The following CSMD3 variants were observed in gnomAD, a reference collection of about 807,000 sequenced individuals.
CSMD3 encodes the protein CUB and sushi domain-containing protein 3.
In CSMD3, 177 loss-of-function variants were observed where a neutral mutation model predicts 435.2. The ratio of observed to expected loss-of-function variants is 0.41; its 90% CI spans 0.36 to 0.46. The LOEUF is 0.46. Among genes scored for constraint, CSMD3 ranks in the 20% least tolerant of loss-of-function variants. The pLI, the probability that CSMD3 is intolerant of heterozygous loss-of-function variation, is 0.34. For missense variants in CSMD3, 4,265 were observed against 4,504.6 expected, an observed-to-expected ratio of 0.95 and a Z score of 1.52; for synonymous variants, 1,656 against 1,520.5, an observed-to-expected ratio of 1.09 and a Z score of -2.07.
intron 27 of CSMD3, among the ~76,000 whole-genome samples, chr8:112,546,246 G>A (rs555030017): frequency 1.3e-5 from 2 of 152,280 alleles, no homozygotes; most frequent in East Asian, 3.9e-4. Flanking sequence ...GTTTAGATTT[G>A]TGTGGCCATT....
intron 1 of CSMD3, among the ~76,000 whole-genome samples, chr8:113,376,051 A>G (rs1473683426): frequency 1.3e-5 from 2 of 152,184 alleles, no homozygotes; most frequent in South Asian, 2.1e-4. Context: ...TATTTTGTCA[A>G]TTGGCAAATT....
intron 6 of CSMD3, among the ~76,000 whole-genome samples, chr8:113,017,211 G>T (rs2086496232): frequency 6.6e-6 from 1 of 151,820 alleles, no homozygotes. Flanking sequence ...ACTTTTCAGT[G>T]CCGAAAACGC....
intron 9 of CSMD3, among the ~76,000 whole-genome samples, chr8:112,922,611 T>TA (rs1397275816): frequency 1.3e-5 from 2 of 151,962 alleles, no homozygotes; most frequent in African/African-American, 2.4e-5. Flanking sequence ...ATCCCTCAGG[T>TA]AAGTGAGAAC....
intron 22 of CSMD3, among the ~76,000 whole-genome samples, chr8:112,607,646 T>G (rs902093921): frequency 2.0e-5 from 3 of 152,134 alleles, no homozygotes; most frequent in Non-Finnish European, 2.9e-5. Context: ...GGATGCAATA[T>G]GTTTCAGTTT....
rs1262589844 is a variant in CSMD3 at position 113,425,422 on chromosome 8, C to T, written c.178+11255G>A. 2.0e-5 allele frequency among the ~76,000 whole-genome samples: 3 copies of T among 151,314 alleles called. No homozygotes were observed. The South Asian group carries it at 6.2e-4, about 31-fold the overall frequency. On this transcript the variant is annotated intron_variant, in intron 1 of 70. Coordinates refer to ENST00000297405, the MANE Select transcript of CSMD3 (RefSeq NM_198123.2). ...GCATTACATAATTAGAATATAAAGT[C>T]TTTCTAAAATAGGAAATTTTTAATA...
chr8:112,268,388 A>G (rs982997411), intron 59 of CSMD3, among the ~76,000 whole-genome samples: 1 of 152,248 alleles, frequency 6.6e-6, no homozygotes, highest in African/African-American at 2.4e-5. Flanking sequence ...CTATGCTACA[A>G]ATAAAACATA....
chr8:113,377,096 C>T (rs1042095165), intron 1 of CSMD3: 14 of 1,282,754 alleles, frequency 1.1e-5, no homozygotes, highest in Middle Eastern at 3.3e-4. Context: ...GCGCTGGACT[C>T]CCCCAAGGGC....
At chr8:112,272,577 T>C (rs1817626018) in intron 59 of CSMD3, among the ~76,000 whole-genome samples, 1 of 152,080 alleles carries the variant, frequency 6.6e-6, no homozygotes, top group African/African-American at 2.4e-5. Flanking sequence ...TAGATGAAAT[T>C]ATTGTTTAGT....
At chr8:113,293,387 C>T (rs1043105444) in intron 2 of CSMD3, among the ~76,000 whole-genome samples, 1 of 151,930 alleles carries the variant, frequency 6.6e-6, no homozygotes, top group Non-Finnish European at 1.5e-5. Flanking sequence ...TCTTCATTTG[C>T]TTCTGGTAGC....
At chr8:112,400,309 T>A (rs890383225) in intron 35 of CSMD3, among the ~76,000 whole-genome samples, 1 of 152,152 alleles carries the variant, frequency 6.6e-6, no homozygotes, top group African/African-American at 2.4e-5. Context: ...ATATCCCTGG[T>A]GTTGCTTTTA....
chr8:112,673,337 C>A (rs1490335198), intron 16 of CSMD3, among the ~76,000 whole-genome samples: 1 of 151,694 alleles, frequency 6.6e-6, no homozygotes, highest in Non-Finnish European at 1.5e-5. Flanking sequence ...AATTAAGGAG[C>A]CAAAATAGAG....
chr8:112,637,104 T>C (rs2074683021), intron 21 of CSMD3, 99 bp from the exon 22 acceptor site: 1 of 929,812 alleles, frequency 1.1e-6, no homozygotes, highest in Non-Finnish European at 1.7e-6. Context: ...TTTTAGAACC[T>C]AGTCATATAT....
chr8:113,173,759 A>G lies in CSMD3; in HGVS notation c.672T>C (p.Asn224=), dbSNP rs762277903. Residue 224 remains asparagine, a synonymous_variant, in exon 4 of 71, where the codon AAT becomes AAC. Transcript: ENST00000297405. ...GAACAGGAAAATCCCACGAAGCTGTATTAACTGAATTGGCTATGCAGGTGA... is the reference window on the plus strand; with the variant it reads ...GAACAGGAAAATCCCACGAAGCTGTGTTAACTGAATTGGCTATGCAGGTGA... ...PQLTCIANSV[N]TASWDFPVPI... is the part of the protein sequence containing the mutation. The G allele has an allele frequency of 4.3e-6, 7 of 1,613,712 alleles. No individual in the cohort carries two copies. Among genetic ancestry groups the G allele is most frequent in the Admixed American group, 1.7e-5 (1 of 60,000 alleles).
At chr8:112,972,751 A>G (rs1000235832) in intron 7 of CSMD3, among the ~76,000 whole-genome samples, 1 of 151,976 alleles carries the variant, frequency 6.6e-6, no homozygotes, top group Admixed American at 6.6e-5. Context: ...TTTAAAAAAT[A>G]TCTATTGGTC....
At chr8:112,555,460 A>AT (rs1451701613) in intron 25 of CSMD3, among the ~76,000 whole-genome samples, 2 of 151,944 alleles carry the variant, frequency 1.3e-5, no homozygotes, top group East Asian at 3.9e-4. Context: ...TCAGTGGTAC[A>AT]TTTTTCTCAT....
At chr8:112,410,326 A>T (rs1464829745) in intron 32 of CSMD3, among the ~76,000 whole-genome samples, 1 of 151,242 alleles carries the variant, frequency 6.6e-6, no homozygotes, top group Non-Finnish European at 1.5e-5. Flanking sequence ...AATCCTCCTT[A>T]AAATATTTCC....
chr8:112,547,308 A>C (rs996795653), intron 27 of CSMD3, among the ~76,000 whole-genome samples: 5 of 152,084 alleles, frequency 3.3e-5, no homozygotes, highest in African/African-American at 1.2e-4. Context: ...CATGATATTA[A>C]TATATTTGGG....
chr8:112,533,479 A>G (rs1825739916), intron 27 of CSMD3, among the ~76,000 whole-genome samples: 1 of 152,110 alleles, frequency 6.6e-6, no homozygotes, highest in Non-Finnish European at 1.5e-5. Flanking sequence ...CTATACTTAG[A>G]TAAAATAGAT....
At chr8:113,343,954 T>C (rs1444338836) in intron 1 of CSMD3, among the ~76,000 whole-genome samples, 3 of 152,104 alleles carry the variant, frequency 2.0e-5, no homozygotes, top group Non-Finnish European at 2.9e-5. Flanking sequence ...TAATGTACTA[T>C]AATTTTCTAC....
Sources: gnomAD v4.1 joint callset for allele counts (sites outside exome capture counted in the v4.1 genomes callset) on GRCh38, gnomAD v4.1.1 for gene constraint, MANE v1.5 for transcripts, NCBI Gene and HGNC (gene_info 2026-07-23, HGNC 2026-07-21) for gene names.